CPNE4: variants seen among roughly 807,000 people sequenced by gnomAD.
The protein encoded by CPNE4 is copine-4.
In CPNE4, 25 loss-of-function variants were observed where a neutral mutation model predicts 67.9. The ratio of observed to expected loss-of-function variants is 0.37; its 90% CI spans 0.27 to 0.51. The LOEUF is 0.51. Among genes scored for constraint, CPNE4 ranks in the 20% least tolerant of loss-of-function variants. The pLI, the probability that CPNE4 is intolerant of heterozygous loss-of-function variation, is 0.93. For synonymous variants in CPNE4, 242 were observed against 244.9 expected, an observed-to-expected ratio of 0.99 and a Z score of 0.11; for missense variants, 464 against 690.8, an observed-to-expected ratio of 0.67 and a Z score of 3.68.
intron 7 of CPNE4, among the ~76,000 whole-genome samples, chr3:131,653,433 C>A (rs1054413810): frequency 6.6e-6 from 1 of 152,126 alleles, no homozygotes; most frequent in Non-Finnish European, 1.5e-5. Flanking sequence ...CAGGCGTGAG[C>A]CACCGCGCCT....
chr3:132,019,892 C>G (rs372678950), intron 1 of CPNE4, among the ~76,000 whole-genome samples: 1 of 152,136 alleles, frequency 6.6e-6, no homozygotes, highest in South Asian at 2.1e-4. Flanking sequence ...TCTGTCTGTC[C>G]GTGCCCACTA....
At chr3:131,601,666 C>T (rs901573754) in intron 7 of CPNE4, among the ~76,000 whole-genome samples, 15 of 152,064 alleles carry the variant, frequency 9.9e-5, no homozygotes, top group African/African-American at 3.1e-4. Flanking sequence ...AAGGGACAAC[C>T]GGATGGTGTA....
chr3:131,660,312 A>C (rs911205640), intron 7 of CPNE4, among the ~76,000 whole-genome samples: 1 of 150,212 alleles, frequency 6.7e-6, no homozygotes, highest in Non-Finnish European at 1.5e-5. Flanking sequence ...CATTTCTTCC[A>C]ATTTGGAGTC....
intron 3 of CPNE4, among the ~76,000 whole-genome samples, chr3:131,713,495 G>A (rs1019636095): frequency 2.6e-5 from 4 of 152,170 alleles, no homozygotes; most frequent in South Asian, 4.2e-4. Flanking sequence ...GCTGAATTTC[G>A]AAAACAAGAA....
rs554155325 is a variant in CPNE4, at chr3:131,874,153, A to G, written c.180+31111T>C. 4.6e-5 allele frequency among the ~76,000 whole-genome samples: 7 copies of G among 151,656 alleles called. No individual in the cohort carries two copies. The South Asian group carries it at 1.5e-3, about 32-fold the overall frequency. On this transcript the variant is annotated intron_variant, in intron 2 of 15. Coordinates refer to ENST00000429747, the MANE Select transcript of CPNE4 (RefSeq NM_130808.3). Reference sequence around the variant, plus strand: ...GCCCAGGCTGGAGTGCAGTGGCGCAATCTCGGCTCACTGCAAGCTCCGCCT... The same window carrying G: ...GCCCAGGCTGGAGTGCAGTGGCGCAGTCTCGGCTCACTGCAAGCTCCGCCT...
intron 1 of CPNE4, among the ~76,000 whole-genome samples, chr3:131,994,724 C>T (rs770496664): frequency 3.9e-5 from 6 of 152,098 alleles, no homozygotes; most frequent in African/African-American, 1.2e-4. Flanking sequence ...TCCCAAAGGA[C>T]GTAAACTTTT....
At chr3:131,799,132 C>T (rs2107904024) in intron 2 of CPNE4, among the ~76,000 whole-genome samples, 1 of 151,958 alleles carries the variant, frequency 6.6e-6, no homozygotes, top group East Asian at 1.9e-4. Context: ...ATGAACAATA[C>T]CACGGATATG....
At chr3:131,543,479 G>A (rs1222678363) in intron 14 of CPNE4, among the ~76,000 whole-genome samples, 1 of 152,064 alleles carries the variant, frequency 6.6e-6, no homozygotes, top group Non-Finnish European at 1.5e-5. Context: ...CAAAGATCAA[G>A]TATTTATGAT....
intron 2 of CPNE4, among the ~76,000 whole-genome samples, chr3:131,741,013 C>T (rs6793323): frequency 0.21 from 32,421 of 152,116 alleles, 4,249 homozygotes; most frequent in Non-Finnish European, 0.28. Flanking sequence ...CCTTCAGATC[C>T]GTACTTAAAT....
chr3:131,976,667 G>A lies in CPNE4; in HGVS notation c.-2+57900C>T, dbSNP rs536389642. On this transcript the variant is annotated intron_variant, in intron 1 of 15. Coordinates refer to ENST00000429747, the MANE Select transcript of CPNE4 (RefSeq NM_130808.3). ...CTTCTGAGTTAAAGCCAAAGGAAAT[G>A]ACCTGATTGTATAACGACTGGAAAG... Among the ~76,000 whole-genome samples the A allele has an allele frequency of 3.9e-5, 6 of 152,128 alleles. No individual in the cohort carries two copies. In the South Asian group the frequency reaches 1.0e-3, roughly 26 times the overall value.
intron 14 of CPNE4, among the ~76,000 whole-genome samples, chr3:131,548,177 C>T (rs750202588): frequency 1.8e-4 from 27 of 151,840 alleles, no homozygotes; most frequent in Non-Finnish European, 3.1e-4. Flanking sequence ...TATTTTCTGG[C>T]GTACAAGATG....
intron 2 of CPNE4, among the ~76,000 whole-genome samples, chr3:131,805,627 G>A (rs2084279754): frequency 1.3e-5 from 2 of 152,174 alleles, no homozygotes; most frequent in African/African-American, 2.4e-5. Flanking sequence ...TGTCTGCTGG[G>A]TGATGCCGGC....
intron 2 of CPNE4, among the ~76,000 whole-genome samples, chr3:131,844,183 C>G (rs1436960327): frequency 4.0e-5 from 6 of 151,896 alleles, no homozygotes; most frequent in African/African-American, 1.5e-4. Context: ...TCTCTAAGGT[C>G]ATTATGACAT....
intron 5 of CPNE4, among the ~76,000 whole-genome samples, chr3:131,690,142 C>G (rs1179912697): frequency 6.6e-6 from 1 of 152,108 alleles, no homozygotes; most frequent in Non-Finnish European, 1.5e-5. Context: ...TTCAATGCTA[C>G]TTACATCAAA....
intron 11 of CPNE4, among the ~76,000 whole-genome samples, chr3:131,563,213 T>C (rs1936879815): frequency 6.6e-6 from 1 of 152,056 alleles, no homozygotes; most frequent in Non-Finnish European, 1.5e-5. Context: ...TCTTACAAAA[T>C]TCCTCTGAAA....
At chr3:131,872,939 G>A (rs932236618) in intron 2 of CPNE4, among the ~76,000 whole-genome samples, 10 of 151,292 alleles carry the variant, frequency 6.6e-5, no homozygotes, top group African/African-American at 2.2e-4. Context: ...TAACCTTTAT[G>A]TGCCCTGTCT....
intron 14 of CPNE4, among the ~76,000 whole-genome samples, chr3:131,549,330 G>GA (rs1215988106): frequency 2.0e-5 from 3 of 151,946 alleles, no homozygotes; most frequent in South Asian, 2.1e-4. Flanking sequence ...ACTAAATCTG[G>GA]AAAAAATCAT....
At chr3:131,760,908 C>T (rs907789394) in intron 2 of CPNE4, among the ~76,000 whole-genome samples, 26 of 152,150 alleles carry the variant, frequency 1.7e-4, no homozygotes, top group South Asian at 4.2e-4. Context: ...GATATGAGCT[C>T]GGTCAAAGCA....
chr3:131,963,560 G>T (rs1227032847), intron 1 of CPNE4, among the ~76,000 whole-genome samples: 1 of 152,234 alleles, frequency 6.6e-6, no homozygotes, highest in African/African-American at 2.4e-5. Flanking sequence ...TAGGGGGAGG[G>T]GCATCCACCA....
Sources: allele counts gnomAD v4.1 joint callset (sites outside exome capture counted in the v4.1 genomes callset), GRCh38; gene constraint gnomAD v4.1.1; transcripts MANE v1.5; gene names NCBI Gene and HGNC (gene_info 2026-07-23, HGNC 2026-07-21).